The following MPP7 variants were observed in gnomAD, a reference collection of about 807,000 sequenced individuals.
MPP7 encodes MAGUK p55 subfamily member 7.
Under a neutral mutation model 76.5 loss-of-function variants are expected in MPP7, and 60 were observed. That is an observed-to-expected ratio of 0.78 (90% CI 0.64 to 0.97). The LOEUF (loss-of-function observed/expected upper bound fraction) is 0.97. Ranked by LOEUF, MPP7 falls within the 50% of genes least tolerant of loss-of-function variation. The pLI, the probability that MPP7 is intolerant of heterozygous loss-of-function variation, is 0.00. For missense variants in MPP7, 641 were observed against 694.0 expected (o/e 0.92, Z 0.86); for synonymous variants, 237 against 244.5 (o/e 0.97, Z 0.29).
chr10:28,273,170 G>A (rs976267462), intron 1 of MPP7, among the ~76,000 whole-genome samples: 26 of 152,080 alleles, frequency 1.7e-4, no homozygotes, highest in Middle Eastern at 3.4e-3. Flanking sequence ...CACCCACCTC[G>A]GCCTCCCAAA....
At chr10:28,129,003 GGTAA>G (rs1835107657) in intron 6 of MPP7, among the ~76,000 whole-genome samples, 1 of 152,072 alleles carries the variant, frequency 6.6e-6, no homozygotes. Context: ...TTGCTTGGAG[GGTAA>G]ACTACAGACT....
At chr10:28,233,469 A>C (rs1838958370) in intron 2 of MPP7, among the ~76,000 whole-genome samples, 1 of 152,092 alleles carries the variant, frequency 6.6e-6, no homozygotes, top group South Asian at 2.1e-4. Context: ...GCACTTTGGG[A>C]GGCCGAGGCA....
At chr10:28,227,514 T>C (rs1374738351) in intron 2 of MPP7, among the ~76,000 whole-genome samples, 1 of 152,002 alleles carries the variant, frequency 6.6e-6, no homozygotes. Context: ...CCCCTCCTTG[T>C]ATCCATGTGA....
intron 1 of MPP7, among the ~76,000 whole-genome samples, chr10:28,247,796 G>A (rs186645634): frequency 9.9e-5 from 15 of 152,218 alleles, no homozygotes; most frequent in Non-Finnish European, 7.4e-5. Flanking sequence ...TGTATTAAAC[G>A]GTAGAGACTC....
intron 3 of MPP7, among the ~76,000 whole-genome samples, chr10:28,174,035 C>A (rs1421810616): frequency 6.6e-6 from 1 of 152,164 alleles, no homozygotes; most frequent in Admixed American, 6.5e-5. Context: ...AAGTACTCAA[C>A]CTCATTAGTC....
intron 3 of MPP7, among the ~76,000 whole-genome samples, chr10:28,175,740 C>T (rs997847156): frequency 1.2e-4 from 19 of 152,116 alleles, no homozygotes; most frequent in African/African-American, 4.6e-4. Flanking sequence ...TGATCTTCAA[C>T]TATTAATGTA....
At chr10:28,056,443 G>C in intron 16 of MPP7, 37 bp downstream of exon 16, 1 of 1,590,672 alleles carries the variant, frequency 6.3e-7, no homozygotes, top group Non-Finnish European at 8.5e-7. Context: ...ACAGGTGTGG[G>C]CCACCACACC....
chr10:28,188,826 G>A (rs1034414609), intron 3 of MPP7, among the ~76,000 whole-genome samples: 6 of 150,954 alleles, frequency 4.0e-5, no homozygotes, highest in African/African-American at 9.7e-5. Flanking sequence ...AAGTGTTGAC[G>A]GAAAAAAAAA....
At chr10:28,200,032 G>A (rs1299654408) in intron 3 of MPP7, among the ~76,000 whole-genome samples, 2 of 152,140 alleles carry the variant, frequency 1.3e-5, no homozygotes, top group African/African-American at 4.8e-5. Flanking sequence ...AAGCGATTTT[G>A]ATTCACTCTA....
chr10:28,065,518 G>C (rs947256800), intron 13 of MPP7, among the ~76,000 whole-genome samples: 1 of 152,166 alleles, frequency 6.6e-6, no homozygotes, highest in East Asian at 1.9e-4. Context: ...ATGTGAAGGA[G>C]ATTCCAAGGG....
chr10:28,331,289 A>G (rs1281269420), intron 1 of MPP7, among the ~76,000 whole-genome samples: 1 of 151,978 alleles, frequency 6.6e-6, no homozygotes, highest in East Asian at 1.9e-4. Context: ...TCCTTTCTAC[A>G]CTAACCTCAC....
chr10:28,138,325 A>G (rs917696321), intron 5 of MPP7, among the ~76,000 whole-genome samples: 5 of 152,184 alleles, frequency 3.3e-5, no homozygotes, highest in African/African-American at 1.2e-4. Context: ...GTCTCTATAT[A>G]GAACAATATC....
At chr10:28,199,126 A>C (rs1267110536) in intron 3 of MPP7, among the ~76,000 whole-genome samples, 1 of 152,130 alleles carries the variant, frequency 6.6e-6, no homozygotes, top group Non-Finnish European at 1.5e-5. Flanking sequence ...AAAAACCATC[A>C]GCTCTTATGA....
At chr10:28,128,900 T>C (rs1012813550) in intron 6 of MPP7, among the ~76,000 whole-genome samples, 1 of 152,164 alleles carries the variant, frequency 6.6e-6, no homozygotes, top group Non-Finnish European at 1.5e-5. Flanking sequence ...TTGGAATGTA[T>C]AGATAATGCA....
chr10:28,270,655 T>G, intron 1 of MPP7, among the ~76,000 whole-genome samples: 1 of 151,932 alleles, frequency 6.6e-6, no homozygotes, highest in East Asian at 1.9e-4. Flanking sequence ...ACGCCCTCTA[T>G]CCTCGTTTTC....
At chr10:28,218,009 T>C (rs1383640239) in intron 2 of MPP7, among the ~76,000 whole-genome samples, 1 of 152,230 alleles carries the variant, frequency 6.6e-6, no homozygotes, top group Non-Finnish European at 1.5e-5. Flanking sequence ...GGGTTGATGA[T>C]TCATAGCTCC....
intron 1 of MPP7, among the ~76,000 whole-genome samples, chr10:28,263,687 CAG>C (rs1292757777): frequency 6.6e-6 from 1 of 152,078 alleles, no homozygotes; most frequent in African/African-American, 2.4e-5. Flanking sequence ...GAAAGGATGG[CAG>C]GGGAGGGGCA....
In MPP7 at chr10:28,184,421, T is replaced by C. The variant is rs187957927; in HGVS notation, c.156+17732A>G. Among the ~76,000 whole-genome samples the C allele has an allele frequency of 1.7e-4, 25 of 148,588 alleles. No homozygotes were observed. The East Asian group carries it at 4.3e-3, about 25-fold the overall frequency. On this transcript the variant is annotated intron_variant, in intron 3 of 16. Transcript: ENST00000683449. ...TTACAATATTAATATATTAAGATAC[T>C]ATCTTGATCAGGCATGGTGGCTCAT...
At chr10:28,284,219 C>G (rs750524860) in intron 1 of MPP7, among the ~76,000 whole-genome samples, 5 of 152,172 alleles carry the variant, frequency 3.3e-5, no homozygotes, top group Non-Finnish European at 5.9e-5. Flanking sequence ...ACAGGAAAAA[C>G]CAGTGTCACC....
Sources: gnomAD v4.1 joint callset for allele counts (sites outside exome capture counted in the v4.1 genomes callset) on GRCh38, gnomAD v4.1.1 for gene constraint, MANE v1.5 for transcripts, NCBI Gene and HGNC (gene_info 2026-07-23, HGNC 2026-07-21) for gene names.